TMC3: variants seen among roughly 807,000 people sequenced by gnomAD.
The protein encoded by TMC3 is transmembrane channel like 3.
Under a neutral mutation model 110.6 loss-of-function variants are expected in TMC3, and 98 were observed. That is an observed-to-expected ratio of 0.89 (90% CI 0.75 to 1.05). TMC3 has a LOEUF of 1.05. Among genes scored for constraint, TMC3 ranks in the 50% least tolerant of loss-of-function variants. The pLI is 0.00. For missense variants in TMC3, 1,319 were observed against 1,373.2 expected, an observed-to-expected ratio of 0.96 and a Z score of 0.62; for synonymous variants, 489 against 513.1, an observed-to-expected ratio of 0.95 and a Z score of 0.63.
chr15:81,333,737 C>T (rs1893527326), intron 21 of TMC3, among the ~76,000 whole-genome samples: 1 of 151,998 alleles, frequency 6.6e-6, no homozygotes, highest in African/African-American at 2.4e-5. Context: ...ATTTGTAATC[C>T]CAGCGCTTTG....
chr15:81,369,087 C>T (rs1389162292), intron 2 of TMC3, among the ~76,000 whole-genome samples: 1 of 151,936 alleles, frequency 6.6e-6, no homozygotes, highest in Non-Finnish European at 1.5e-5. Flanking sequence ...ATCTGATGGT[C>T]GGATGCCCTC....
chr15:81,356,414 A>C, intron 8 of TMC3, 33 bp downstream of exon 8: 1 of 1,549,430 alleles, frequency 6.5e-7, no homozygotes. Flanking sequence ...TGAGCTGCCC[A>C]CCCCCGCAGG....
intron 4 of TMC3, 42 bp from the exon 5 acceptor site, chr15:81,359,513 C>T (rs767619678): frequency 4.0e-5 from 53 of 1,332,930 alleles, no homozygotes; most frequent in Non-Finnish European, 5.2e-5. Context: ...AAATAAAATC[C>T]TCATAGTGCA....
At position 81,337,855 on chromosome 15, in the gene TMC3, C is replaced by T. The variant is rs368093434; in HGVS notation, c.2151G>A (p.Gln717=). The part of the protein sequence containing the change: ...LKLSNHQLKM[Q]IQNARSEDKK... ...TTCATGAAATACTTGCGTTTTGGAT[C>T]TGCATTTTGAGCTGGTGGTTGCTGA... Residue 717 remains glutamine, a synonymous_variant, in exon 19 of 22, where the codon CAG becomes CAA. Transcript: ENST00000359440. The T allele has an allele frequency of 5.0e-5, 80 of 1,613,796 alleles. No individual in the cohort carries two copies. The African/African-American group carries it at 8.4e-4, about 17-fold the overall frequency.
chr15:81,360,865 A>C (rs1322957820), intron 4 of TMC3, among the ~76,000 whole-genome samples: 1 of 152,126 alleles, frequency 6.6e-6, no homozygotes, highest in African/African-American at 2.4e-5. Context: ...CAAGCAGTCC[A>C]TACTCAACAG....
In TMC3 at chr15:81,355,765, C is replaced by G; in HGVS notation, c.895G>C (p.Ala299Pro). ...TTTTTCTCCTGTTCTTCCAATATAG[C>G]TTCCTTTAAGAAAAATACATACAGC... ...TAAIVNSIRE[A>P]ILEEQEKKKS... The change falls in exon 9 of 22, where the codon GCT (alanine) becomes CCT (proline). Residue 299 changes from alanine (A) to proline (P), a missense_variant. Transcript: ENST00000359440. 2 of 1,586,450 alleles carry G rather than the reference C, an allele frequency of 1.3e-6. No homozygotes were observed. Among genetic ancestry groups the G allele is most frequent in the Non-Finnish European group, 1.7e-6 (2 of 1,158,688 alleles).
chr15:81,355,104 T>C (rs1894031356), intron 9 of TMC3, among the ~76,000 whole-genome samples: 1 of 152,188 alleles, frequency 6.6e-6, no homozygotes, highest in African/African-American at 2.4e-5. Context: ...CTGGGTGTGT[T>C]TCCTTAATTC....
chr15:81,348,605 G>C (rs1217271600), intron 11 of TMC3, among the ~76,000 whole-genome samples: 1 of 152,192 alleles, frequency 6.6e-6, no homozygotes, highest in Non-Finnish European at 1.5e-5. Flanking sequence ...GCCACTGACT[G>C]TCCTGGCAAA....
At chr15:81,341,591 G>T in intron 15 of TMC3, 73 bp from the exon 16 acceptor site, 1 of 1,507,300 alleles carries the variant, frequency 6.6e-7, no homozygotes, top group Non-Finnish European at 9.0e-7. Flanking sequence ...GAAGCCCCAT[G>T]CAGGAACATG....
At position 81,368,333 on chromosome 15, in the gene TMC3, G is replaced by A; in HGVS notation, c.237-5C>T. On this transcript the variant is annotated splice_polypyrimidine_tract_variant and splice_region_variant and intron_variant, in intron 2 of 21. Transcript: ENST00000359440. ...AGCACAATGTTCTTCGCTTGTCTAAGAGAAGAAAAACATGATGGTGAACAC... is the reference window on the plus strand; with the variant it reads ...AGCACAATGTTCTTCGCTTGTCTAAAAGAAGAAAAACATGATGGTGAACAC... The A allele has an allele frequency of 6.2e-7, 1 of 1,612,348 alleles. No homozygotes were observed. Among genetic ancestry groups the A allele is most frequent in the East Asian group, 2.2e-5 (1 of 44,854 alleles).
chr15:81,339,597 C>T, intron 16 of TMC3, 93 bp from the exon 17 acceptor site: 1 of 970,808 alleles, frequency 1.0e-6, no homozygotes, highest in Non-Finnish European at 1.6e-6. Flanking sequence ...AAACGGTTGC[C>T]CTGACTCTTT....
chr15:81,339,369 G>A (rs149596211), intron 17 of TMC3, 25 bp downstream of exon 17: 26 of 1,524,522 alleles, frequency 1.7e-5, no homozygotes, highest in African/African-American at 5.5e-5. Context: ...CAGTCACTCC[G>A]GGCAGAGCTG....
intron 18 of TMC3, 125 bp from the exon 19 acceptor site, chr15:81,338,049 A>G: frequency 1.4e-6 from 1 of 722,690 alleles, no homozygotes; most frequent in South Asian, 1.6e-5. Flanking sequence ...CTATCCACTG[A>G]CCCTCCGCTA....
In TMC3 at chr15:81,372,865, T is replaced by TTGTGTGTG. The variant is rs892784031; in HGVS notation, c.90-129_90-128insCACACACA. 35 of 579,514 alleles carry TTGTGTGTG rather than the reference T, an allele frequency of 6.0e-5. 1 individual carries two copies. Among genetic ancestry groups the TTGTGTGTG allele is most frequent in the Middle Eastern group, 9.0e-4 (2 of 2,232 alleles). The allele number at this position is 579,514 out of a possible 1,614,324, so 35.9% of individuals were successfully genotyped here. On this transcript the variant is annotated intron_variant, in intron 1 of 21. Coordinates refer to ENST00000359440, the MANE Select transcript of TMC3 (RefSeq NM_001080532.3). ...TCATCTGTATGAAATGTGTATGTGT[T>TTGTGTGTG]TGTGCGTGTGTGTGTGTGTGTGTGT...
intron 8 of TMC3, 22 bp from the exon 9 acceptor site, chr15:81,355,790 C>T (rs1596089296): frequency 6.7e-7 from 1 of 1,493,016 alleles, no homozygotes; most frequent in South Asian, 1.2e-5. Context: ...ATACATACAG[C>T]AATAAAAGCT....
At chr15:81,339,267 C>T (rs991794796) in intron 17 of TMC3, 127 bp downstream of exon 17, 1 of 717,128 alleles carries the variant, frequency 1.4e-6, no homozygotes, top group Non-Finnish European at 2.4e-6. Flanking sequence ...GGATTTAAAA[C>T]ATGCGGGTTT....
At chr15:81,364,698 TC>T (rs1238252633) in intron 3 of TMC3, among the ~76,000 whole-genome samples, 6 of 94,166 alleles carry the variant, frequency 6.4e-5, no homozygotes, top group Non-Finnish European at 1.1e-4. Context: ...AAAACATTAT[TC>T]CAAAAAAAAA....
Position 81,332,369 on chromosome 15 carries a change from C to T in TMC3, c.*50G>A. 1 of 1,535,136 alleles carries T rather than the reference C, an allele frequency of 6.5e-7. No individual in the cohort carries two copies. Among genetic ancestry groups the T allele is most frequent in the Non-Finnish European group, 8.8e-7 (1 of 1,139,286 alleles). On this transcript the variant is annotated 3_prime_UTR_variant, in exon 22 of 22. Coordinates refer to ENST00000359440, the MANE Select transcript of TMC3 (RefSeq NM_001080532.3). ...GAAAGGGAGATGCCATGTGCTGGCC[C>T]AGCACTCCAACAGGGGCCTGACCTC...
chr15:81,339,541 C>G, intron 16 of TMC3, 37 bp from the exon 17 acceptor site: 1 of 1,504,264 alleles, frequency 6.6e-7, no homozygotes, highest in Non-Finnish European at 9.1e-7. Flanking sequence ...TAAGTTCACT[C>G]CATAGCCAGT....
Sources: gnomAD v4.1 joint callset for allele counts (sites outside exome capture counted in the v4.1 genomes callset) on GRCh38, gnomAD v4.1.1 for gene constraint, MANE v1.5 for transcripts, NCBI Gene and HGNC (gene_info 2026-07-23, HGNC 2026-07-21) for gene names.